Variants in CFAP96 observed in about 807,000 individuals in gnomAD.
CFAP96 encodes cilia-and flagella-associated protein 96.
the CFAP96 span, among the ~76,000 whole-genome samples, chr4:185,441,036 C>T: frequency 3.3e-5 from 5 of 151,534 alleles, no homozygotes; most frequent in African/African-American, 9.7e-5. Flanking sequence ...CTGCAAGCTC[C>T]GCCTCTTGAG....
the CFAP96 span, among the ~76,000 whole-genome samples, chr4:185,420,090 G>T: frequency 3.9e-5 from 6 of 152,052 alleles, no homozygotes; most frequent in Non-Finnish European, 7.4e-5. Flanking sequence ...TAAAACTATT[G>T]AGTGAAATTT....
the CFAP96 span, among the ~76,000 whole-genome samples, chr4:185,423,634 A>G: frequency 6.6e-6 from 1 of 152,250 alleles, no homozygotes; most frequent in South Asian, 2.1e-4. Context: ...GCACAGGACA[A>G]TGCTTACAAC....
the CFAP96 span, chr4:185,416,008 AAGAGT>A: frequency 1.6e-6 from 1 of 609,896 alleles, no homozygotes; most frequent in South Asian, 2.8e-5. Context: ...AAAAGGGGGA[AAGAGT>A]AGAGAACAAG....
At chr4:185,444,242 C>T in the CFAP96 span, among the ~76,000 whole-genome samples, 5 of 151,788 alleles carry the variant, frequency 3.3e-5, no homozygotes, top group East Asian at 1.9e-4. Context: ...CGTGAGCCAC[C>T]GCGCCCGGCC....
the CFAP96 span, chr4:185,418,292 C>T: frequency 1.0e-5 from 6 of 585,758 alleles, no homozygotes; most frequent in Admixed American, 1.1e-4. Flanking sequence ...GTAAGACAAA[C>T]ATATAACTTT....
chr4:185,443,191 C>A, the CFAP96 span, among the ~76,000 whole-genome samples: 1 of 151,258 alleles, frequency 6.6e-6, no homozygotes, highest in African/African-American at 2.4e-5. Flanking sequence ...TCAATTCTTA[C>A]ATTTCTTTCT....
At chr4:185,441,715 G>C in the CFAP96 span, among the ~76,000 whole-genome samples, 2 of 150,916 alleles carry the variant, frequency 1.3e-5, no homozygotes, top group Non-Finnish European at 3.0e-5. Context: ...ATATCCTTTT[G>C]CATTTAAATA....
chr4:185,415,278 A>AT, the CFAP96 span: 2 of 1,600,890 alleles, frequency 1.2e-6, no homozygotes, highest in East Asian at 4.5e-5. Context: ...TTCCTTTCAT[A>AT]TATTTCAAAA....
At chr4:185,428,598 C>T in the CFAP96 span, among the ~76,000 whole-genome samples, 1 of 150,392 alleles carries the variant, frequency 6.6e-6, no homozygotes, top group African/African-American at 2.4e-5. Flanking sequence ...AAAAAAGAGA[C>T]TCTGTCTTAA....
the CFAP96 span, chr4:185,418,553 G>A: frequency 3.7e-6 from 6 of 1,610,220 alleles, no homozygotes; most frequent in Middle Eastern, 1.7e-4. Flanking sequence ...ATGATGTTTT[G>A]AAAACATTTC....
At chr4:185,431,109 C>T in the CFAP96 span, among the ~76,000 whole-genome samples, 3 of 150,298 alleles carry the variant, frequency 2.0e-5, no homozygotes, top group South Asian at 2.1e-4. Flanking sequence ...ACTTGGGAGG[C>T]TGAGGCAGGA....
At chr4:185,415,740 A>G in the CFAP96 span, 1 of 1,612,954 alleles carries the variant, frequency 6.2e-7, no homozygotes, top group South Asian at 1.1e-5. Flanking sequence ...AGCAACAGAT[A>G]TAACTGCATC....
chr4:185,411,482 T>G, the CFAP96 span, among the ~76,000 whole-genome samples: 2 of 152,270 alleles, frequency 1.3e-5, no homozygotes, highest in African/African-American at 4.8e-5. Flanking sequence ...CCAGTATCAT[T>G]CACGAACATA....
chr4:185,424,435 C>T, the CFAP96 span, among the ~76,000 whole-genome samples: 3 of 152,188 alleles, frequency 2.0e-5, no homozygotes, highest in Non-Finnish European at 4.4e-5. Context: ...AATCCTTTGT[C>T]ACATTTCTAT....
At chr4:185,419,241 C>T in the CFAP96 span, among the ~76,000 whole-genome samples, 8 of 152,254 alleles carry the variant, frequency 5.3e-5, no homozygotes, top group Middle Eastern at 6.8e-3. Flanking sequence ...ACGCCATTCT[C>T]CTGCCTCAGC....
chr4:185,443,342 A>ATATATATATATATATATT, the CFAP96 span, among the ~76,000 whole-genome samples: 11 of 26,724 alleles, frequency 4.1e-4, no homozygotes, highest in African/African-American at 1.2e-3. Flanking sequence ...ATATATATAT[A>ATATATATATATATATATT]TTTTTTTTTT....
the CFAP96 span, among the ~76,000 whole-genome samples, chr4:185,409,305 T>C: frequency 6.6e-6 from 1 of 152,240 alleles, no homozygotes; most frequent in Non-Finnish European, 1.5e-5. Context: ...ATATAAATTC[T>C]TACTTATAGT....
At chr4:185,433,014 G>A in the CFAP96 span, among the ~76,000 whole-genome samples, 3 of 151,974 alleles carry the variant, frequency 2.0e-5, no homozygotes, top group Non-Finnish European at 2.9e-5. Context: ...TCTGGGCCAC[G>A]CCTGGCCAGA....
the CFAP96 span, among the ~76,000 whole-genome samples, chr4:185,424,637 C>T: frequency 6.6e-6 from 1 of 152,092 alleles, no homozygotes; most frequent in African/African-American, 2.4e-5. Context: ...ACTTAAATAG[C>T]TATTAATAAG....
Sources: gnomAD v4.1 joint callset for allele counts (sites outside exome capture counted in the v4.1 genomes callset) on GRCh38, gnomAD v4.1.1 for gene constraint, MANE v1.5 for transcripts, NCBI Gene and HGNC (gene_info 2026-07-23, HGNC 2026-07-21) for gene names.